The following STARD13 variants were observed in gnomAD, a reference collection of about 807,000 sequenced individuals.
The protein encoded by STARD13 is StAR related lipid transfer domain containing 13.
In STARD13, 62 loss-of-function variants were observed where a neutral mutation model predicts 106.4. That is an observed-to-expected ratio of 0.58 (90% CI 0.48 to 0.72). STARD13 has a LOEUF of 0.72. STARD13 is among the 30% of genes least tolerant of loss of function. The probability of loss-of-function intolerance (pLI) is 0.00; values close to 1 mark genes in which losing one functional copy is unlikely to be tolerated. For missense variants in STARD13, 1,387 were observed against 1,424.0 expected (o/e 0.97, Z 0.42); for synonymous variants, 565 against 553.0 (o/e 1.02, Z -0.31).
intron 1 of STARD13, among the ~76,000 whole-genome samples, chr13:33,243,214 C>A (rs1446683684): frequency 6.6e-6 from 1 of 152,222 alleles, no homozygotes; most frequent in Non-Finnish European, 1.5e-5. Context: ...CCTTTAAATA[C>A]CACAAACATT....
the STARD13 span, among the ~76,000 whole-genome samples, chr13:33,371,600 G>A: frequency 2.6e-5 from 4 of 152,186 alleles, no homozygotes; most frequent in African/African-American, 9.7e-5. Flanking sequence ...GACACTGCAC[G>A]GAGTTCCCTC....
intron 3 of STARD13, among the ~76,000 whole-genome samples, chr13:33,150,753 C>A (rs187997849): frequency 6.6e-6 from 1 of 152,170 alleles, no homozygotes; most frequent in Non-Finnish European, 1.5e-5. Context: ...GCTGCCACAA[C>A]CTGTTAATTT....
intron 1 of STARD13, among the ~76,000 whole-genome samples, chr13:33,314,973 CT>C (rs869281178): frequency 6.6e-6 from 1 of 151,936 alleles, no homozygotes; most frequent in Non-Finnish European, 1.5e-5. Context: ...CACACAAACA[CT>C]TTTTTTAAAA....
the STARD13 span, among the ~76,000 whole-genome samples, chr13:33,670,809 G>T: frequency 2.6e-5 from 4 of 152,172 alleles, no homozygotes; most frequent in Non-Finnish European, 5.9e-5. Context: ...CTGCCTCATT[G>T]CATTAGCTAG....
intron 1 of STARD13, among the ~76,000 whole-genome samples, chr13:33,265,922 A>G (rs1019378693): frequency 6.6e-6 from 1 of 152,200 alleles, no homozygotes; most frequent in African/African-American, 2.4e-5. Context: ...GAGATACATT[A>G]GGAATTGTAA....
the STARD13 span, among the ~76,000 whole-genome samples, chr13:33,523,921 T>C: frequency 5.8e-4 from 88 of 152,250 alleles, no homozygotes; most frequent in Non-Finnish European, 1.1e-3. Flanking sequence ...ATTTGCAGCA[T>C]AAGTTTTTAC....
At chr13:33,302,544 G>A (rs9569301) in intron 1 of STARD13, among the ~76,000 whole-genome samples, 37,698 of 151,960 alleles carry the variant, frequency 0.25, 5,226 homozygotes, top group East Asian at 0.69. Flanking sequence ...AGCCTCCCAA[G>A]TAGCTGGGAC....
At chr13:33,303,120 G>T (rs1463086215) in intron 1 of STARD13, among the ~76,000 whole-genome samples, 1 of 152,010 alleles carries the variant, frequency 6.6e-6, no homozygotes, top group Non-Finnish European at 1.5e-5. Context: ...CCCTTCTCTA[G>T]GATACCTTCC....
chr13:33,109,096 C>T (rs1874157571), intron 12 of STARD13, among the ~76,000 whole-genome samples: 1 of 152,138 alleles, frequency 6.6e-6, no homozygotes, highest in African/African-American at 2.4e-5. Flanking sequence ...GGGAGTTTCA[C>T]AATAGGTTCC....
chr13:33,213,019 G>C (rs1429679635), intron 1 of STARD13, among the ~76,000 whole-genome samples: 1 of 152,164 alleles, frequency 6.6e-6, no homozygotes, highest in African/African-American at 2.4e-5. Context: ...CTTGCTAGTT[G>C]AGTTATTGAC....
the STARD13 span, among the ~76,000 whole-genome samples, chr13:33,421,208 AAAG>A: frequency 6.6e-6 from 1 of 152,226 alleles, no homozygotes; most frequent in Non-Finnish European, 1.5e-5. Flanking sequence ...TAAGACTAAT[AAAG>A]AAGAACAGAG....
At chr13:33,613,465 G>A in the STARD13 span, among the ~76,000 whole-genome samples, 1 of 152,188 alleles carries the variant, frequency 6.6e-6, no homozygotes, top group African/African-American at 2.4e-5. Flanking sequence ...GCAGTAAGGT[G>A]GTGTGAGGAA....
the STARD13 span, among the ~76,000 whole-genome samples, chr13:33,398,281 A>G: frequency 6.6e-6 from 1 of 152,218 alleles, no homozygotes; most frequent in East Asian, 1.9e-4. Flanking sequence ...TTGGATATCT[A>G]TATGGGAAAA....
chr13:33,113,948 T>C (rs1233661459), intron 8 of STARD13, among the ~76,000 whole-genome samples: 2 of 152,190 alleles, frequency 1.3e-5, no homozygotes, highest in Non-Finnish European at 2.9e-5. Flanking sequence ...GTTGTCTTTC[T>C]TAAAGTGCCA....
chr13:33,637,553 G>T, the STARD13 span, among the ~76,000 whole-genome samples: 3 of 152,114 alleles, frequency 2.0e-5, no homozygotes, highest in African/African-American at 7.2e-5. Flanking sequence ...ATATTATTTT[G>T]ATTTCTCTCT....
chr13:33,336,897 T>A (rs2077903592), intron 1 of STARD13, among the ~76,000 whole-genome samples: 1 of 152,068 alleles, frequency 6.6e-6, no homozygotes, highest in Non-Finnish European at 1.5e-5. Flanking sequence ...ATCAGGTTGG[T>A]GAAAAAGTAA....
the STARD13 span, among the ~76,000 whole-genome samples, chr13:33,528,243 C>CATATATAT: frequency 5.8e-4 from 54 of 93,462 alleles, 1 homozygote; most frequent in African/African-American, 3.2e-3. Flanking sequence ...TATATATATA[C>CATATATAT]ATATATATAT....
At chr13:33,393,859 A>G in the STARD13 span, among the ~76,000 whole-genome samples, 21 of 152,220 alleles carry the variant, frequency 1.4e-4, no homozygotes, top group African/African-American at 4.8e-4. Flanking sequence ...TTATAATGAT[A>G]ACAAATGCTA....
chr13:33,429,232 G>A, the STARD13 span, among the ~76,000 whole-genome samples: 1 of 152,214 alleles, frequency 6.6e-6, no homozygotes, highest in African/African-American at 2.4e-5. Context: ...TCCTGTGTTT[G>A]TTGCAGCAAT....
Sources: gnomAD v4.1 joint callset for allele counts (sites outside exome capture counted in the v4.1 genomes callset) on GRCh38, gnomAD v4.1.1 for gene constraint, MANE v1.5 for transcripts, NCBI Gene and HGNC (gene_info 2026-07-23, HGNC 2026-07-21) for gene names.